SLC19A1: variants seen among roughly 807,000 people sequenced by gnomAD.
SLC19A1 encodes solute carrier family 19 member 1.
A neutral mutation model predicts 35.3 loss-of-function variants in SLC19A1; 37 were observed. The observed-to-expected ratio is 1.05, with a 90% CI of 0.81 to 1.38. SLC19A1 has a LOEUF of 1.38. Among genes scored for constraint, SLC19A1 ranks in the 40% most tolerant of loss-of-function variants. The pLI, the probability that SLC19A1 is intolerant of heterozygous loss-of-function variation, is 0.00. For synonymous variants in SLC19A1, 460 were observed against 398.5 expected (o/e 1.15, Z -1.84); for missense variants, 831 against 826.9 (o/e 1.00, Z -0.06).
intron 5 of SLC19A1, among the ~76,000 whole-genome samples, chr21:45,521,050 T>C (rs1314657499): frequency 2.1e-5 from 3 of 146,034 alleles, no homozygotes; most frequent in Admixed American, 6.8e-5. Context: ...GAAAAAAAGA[T>C]ACCAGGGAGG....
chr21:45,525,808 T>A lies in SLC19A1; in HGVS notation c.1293+9A>T. The A allele has an allele frequency of 6.2e-7, 1 of 1,612,814 alleles. No individual in the cohort carries two copies. Among genetic ancestry groups the A allele is most frequent in the Non-Finnish European group, 8.5e-7 (1 of 1,179,726 alleles). ...CATCCCCGAGGACGCAGGCCTGAAA[T>A]GGGCTCACCTGCTTGCGGACCGGGA... On this transcript the variant is annotated intron_variant, in intron 5 of 5. Transcript: ENST00000311124.
chr21:45,526,519 G>A (rs546921836), intron 4 of SLC19A1, among the ~76,000 whole-genome samples: 4 of 152,146 alleles, frequency 2.6e-5, no homozygotes, highest in Admixed American at 6.5e-5. Context: ...ATTTTCCACC[G>A]GGTTGTCTTT....
rs774263744 is a variant in SLC19A1, at chr21:45,531,372, G to C, written c.949+17C>G. 2.1e-5 allele frequency: 33 copies of C among 1,550,762 alleles called. No homozygotes were observed. Among genetic ancestry groups the C allele is most frequent in the Non-Finnish European group, 8.7e-7 (1 of 1,147,518 alleles). ...AGCCTCTGCGGGAAGAAGCCTCGGG[G>C]ACCAGGGCATGCGTACCCAGCAGCG... On this transcript the variant is annotated intron_variant, in intron 3 of 5. Coordinates refer to ENST00000311124, the MANE Select transcript of SLC19A1 (RefSeq NM_194255.4).
rs576935158 is a variant in SLC19A1, at chr21:45,526,335, T to C, written c.1152-377A>G. Among the ~76,000 whole-genome samples, 36 of 152,376 alleles carry C rather than the reference T, an allele frequency of 2.4e-4. No individual in the cohort carries two copies. The South Asian group carries it at 7.5e-3, about 32-fold the overall frequency. ...AACACGAAATGCATTTATGCTCATA[T>C]GCACTGTACACACACAGCCAGAAGG... On this transcript the variant is annotated intron_variant, in intron 4 of 5. Coordinates refer to ENST00000311124, the MANE Select transcript of SLC19A1 (RefSeq NM_194255.4).
At chr21:45,538,575 C>T (rs1476055396) in intron 1 of SLC19A1, among the ~76,000 whole-genome samples, 5 of 152,198 alleles carry the variant, frequency 3.3e-5, no homozygotes, top group Non-Finnish European at 7.3e-5. Context: ...CCCCATCAGC[C>T]GCGTGCCCTG....
downstream of SLC19A1, chr21:45,509,980 G>A: frequency 6.8e-7 from 1 of 1,461,092 alleles, no homozygotes; most frequent in South Asian, 1.2e-5. Flanking sequence ...GTCCACACAG[G>A]TGCGGGGCCG....
chr21:45,519,781 G>A (rs1452795124), intron 5 of SLC19A1, among the ~76,000 whole-genome samples: 2 of 152,084 alleles, frequency 1.3e-5, no homozygotes, highest in Non-Finnish European at 2.9e-5. Context: ...TTATACTTAG[G>A]AGACTTCAAT....
At chr21:45,505,068 C>T in intron 3 of SLC19A1, 2 of 1,571,882 alleles carry the variant, frequency 1.3e-6, no homozygotes, top group South Asian at 2.3e-5. Flanking sequence ...TGCAGCCCCA[C>T]AAGCTTGCCC....
rs757260467 is a variant in SLC19A1 at position 45,530,925 on chromosome 21, C to G, written c.996G>C (p.Ala332=). Residue 332 remains alanine, a synonymous_variant, in exon 4 of 6, where the codon GCG becomes GCC. Transcript: ENST00000311124. The surrounding 1 kb of genome is among the most constrained non-coding windows in gnomAD (Gnocchi z 5.3). ...FAAGFVKIRW[A]RWSKLLIAGV... is the part of the protein sequence containing the mutation. ...CCGCGATGAGCAGCTTGGACCAGCG[C>G]GCCCAGCGGATCTTCACGAAGCCCG... The G allele has an allele frequency of 6.9e-7, 1 of 1,453,706 alleles. No homozygotes were observed. The highest frequency in any genetic ancestry group is 2.7e-5 in the East Asian group (1 of 36,662). The allele number at this position is 1,453,706 out of a possible 1,614,324, so 90.1% of individuals were successfully genotyped here. A position where few individuals can be genotyped will look rare whatever the true frequency, so the allele number is the denominator to read the frequency against.
At chr21:45,503,091 T>C (rs2036951676) in intron 3 of SLC19A1, 1 of 152,208 alleles carries the variant, frequency 6.6e-6, no homozygotes, top group Non-Finnish European at 1.5e-5. Context: ...TACCCAGTAA[T>C]GGGATGGCTG....
upstream of SLC19A1, among the ~76,000 whole-genome samples, chr21:45,545,328 T>C (rs1250231273): frequency 6.6e-6 from 1 of 151,894 alleles, no homozygotes; most frequent in Non-Finnish European, 1.5e-5. Flanking sequence ...TGAGTTCTTG[T>C]TCAGTTAGCT....
intron 1 of SLC19A1, chr21:45,541,731 T>C (rs904748646): frequency 3.9e-5 from 6 of 152,212 alleles, no homozygotes; most frequent in Non-Finnish European, 8.8e-5. Flanking sequence ...CAGGAGACAA[T>C]GGTCTGGAGA....
chr21:45,512,811 T>G lies in SLC19A1; in HGVS notation c.*2847A>C, dbSNP rs1787575857. 1 of 288,862 alleles carries G rather than the reference T, an allele frequency of 3.5e-6. No individual in the cohort carries two copies. The highest frequency in any genetic ancestry group is 2.2e-5 in the African/African-American group (1 of 45,290). The allele number at this position is 288,862 out of a possible 1,614,324, so 17.9% of individuals were successfully genotyped here. ...CCGTTCTGTGCACAAAACCCAGACC[T>G]GTTAGCAGACAGGCCCCGTGAGGCA... On this transcript the variant is annotated 3_prime_UTR_variant, in exon 6 of 6. Transcript: ENST00000311124.
intron 1 of SLC19A1, among the ~76,000 whole-genome samples, chr21:45,556,774 C>T (rs1373670337): frequency 1.3e-5 from 2 of 152,124 alleles, no homozygotes; most frequent in Non-Finnish European, 1.5e-5. Flanking sequence ...TGTTCTCTCA[C>T]GTCCTCTGGA....
chr21:45,536,069 G>A (rs995537693), intron 2 of SLC19A1: 11 of 349,632 alleles, frequency 3.1e-5, no homozygotes, highest in Admixed American at 2.5e-4. Flanking sequence ...GAGGGAGGGC[G>A]TGATGAAGCT....
intron 3 of SLC19A1, chr21:45,504,059 G>C: frequency 6.2e-7 from 1 of 1,613,606 alleles, no homozygotes; most frequent in East Asian, 2.2e-5. Context: ...ATGAAGGTGG[G>C]TGACCTCCCT....
intron 1 of SLC19A1, among the ~76,000 whole-genome samples, chr21:45,558,718 C>T (rs1156357362): frequency 1.3e-5 from 2 of 152,132 alleles, no homozygotes; most frequent in East Asian, 3.8e-4. Context: ...AGAGTACGGC[C>T]ACCTGGTTGC....
chr21:45,510,493 C>G (rs950338586), downstream of SLC19A1, among the ~76,000 whole-genome samples: 1 of 152,048 alleles, frequency 6.6e-6, no homozygotes, highest in Non-Finnish European at 1.5e-5. Flanking sequence ...TCCCATGAGG[C>G]CCCCCCGTGG....
In SLC19A1 at chr21:45,505,130, G is replaced by A. The variant is rs368482196; in HGVS notation, c.498-6518C>T. On this transcript the variant is annotated intron_variant, in intron 3 of 4. Coordinates refer to the SLC19A1 transcript ENST00000417954. Reference sequence around the variant, plus strand: ...CAGGAAGCGTCTCTTGTCGCCGTCCGTAGGGTCCCAAGGGAGAGAGCATCC... The same window carrying A: ...CAGGAAGCGTCTCTTGTCGCCGTCCATAGGGTCCCAAGGGAGAGAGCATCC... The A allele has an allele frequency of 3.4e-5, 55 of 1,608,330 alleles. No individual in the cohort carries two copies. The highest frequency in any genetic ancestry group is 1.5e-4 in the South Asian group (14 of 90,626).
Sources: gnomAD v4.1 joint callset for allele counts (sites outside exome capture counted in the v4.1 genomes callset) on GRCh38, gnomAD v4.1.1 for gene constraint, Gnocchi (gnomAD v3.1) non-coding constraint, MANE v1.5 for transcripts, NCBI Gene and HGNC (gene_info 2026-07-23, HGNC 2026-07-21) for gene names.